Variants in AQP7B observed in about 807,000 individuals in gnomAD.
The protein encoded by AQP7B is putative aquaporin-7B.
At chr2:94,597,458 C>T in the AQP7B span, among the ~76,000 whole-genome samples, 1 of 152,070 alleles carries the variant, frequency 6.6e-6, no homozygotes, top group Non-Finnish European at 1.5e-5. Flanking sequence ...CAGCATCTTC[C>T]CAAATCCATG....
chr2:94,604,050 G>A, the AQP7B span: 5 of 716,862 alleles, frequency 7.0e-6, no homozygotes, highest in South Asian at 9.5e-5. Context: ...AGGTGGCCTG[G>A]GGAGCAGGAG....
the AQP7B span, among the ~76,000 whole-genome samples, chr2:94,592,498 C>G: frequency 1.5e-4 from 23 of 152,168 alleles, no homozygotes; most frequent in Non-Finnish European, 2.5e-4. Context: ...CATGCAGCAT[C>G]GTATAGGGAT....
At chr2:94,593,581 G>C in the AQP7B span, among the ~76,000 whole-genome samples, 1 of 147,204 alleles carries the variant, frequency 6.8e-6, no homozygotes, top group African/African-American at 2.5e-5. Context: ...CATCTCCCAT[G>C]TTCAAGTGAT....
chr2:94,599,227 C>T, the AQP7B span, among the ~76,000 whole-genome samples: 251 of 152,240 alleles, frequency 1.6e-3, 1 homozygote, highest in African/African-American at 5.5e-3. Context: ...AGCCTGTCAA[C>T]CTGTCCTGAC....
chr2:94,603,072 T>C, the AQP7B span: 1 of 1,595,710 alleles, frequency 6.3e-7, no homozygotes, highest in Admixed American at 1.7e-5. Flanking sequence ...CTTCACTAAC[T>C]GTGCGCTGGG....
At chr2:94,591,420 C>T in the AQP7B span, among the ~76,000 whole-genome samples, 1 of 152,212 alleles carries the variant, frequency 6.6e-6, no homozygotes. Context: ...CTTGACTGTG[C>T]TCTTGTGGCC....
the AQP7B span, among the ~76,000 whole-genome samples, chr2:94,592,178 C>A: frequency 6.6e-6 from 1 of 152,064 alleles, no homozygotes; most frequent in Non-Finnish European, 1.5e-5. Context: ...TTACCTCCAG[C>A]ATGGGAGGTG....
chr2:94,602,668 G>T, the AQP7B span: 1 of 1,515,288 alleles, frequency 6.6e-7, no homozygotes, highest in Non-Finnish European at 9.1e-7. Flanking sequence ...TCCCCAACAG[G>T]CTCTTTCCTG....
the AQP7B span, chr2:94,603,299 AC>A: frequency 1.4e-6 from 2 of 1,462,028 alleles, no homozygotes; most frequent in South Asian, 2.6e-5. Flanking sequence ...GAGCTCCCCC[AC>A]CCTCTAACCT....
the AQP7B span, among the ~76,000 whole-genome samples, chr2:94,597,623 T>G: frequency 3.6e-3 from 551 of 151,082 alleles, 3 homozygotes; most frequent in Middle Eastern, 0.017. Context: ...TTTTTTTTTT[T>G]TTGTTTTTTT....
chr2:94,589,378 A>G, the AQP7B span, among the ~76,000 whole-genome samples: 1 of 151,916 alleles, frequency 6.6e-6, no homozygotes, highest in Non-Finnish European at 1.5e-5. Flanking sequence ...TCCATCTGAG[A>G]GGCTTTCTGC....
the AQP7B span, among the ~76,000 whole-genome samples, chr2:94,598,505 C>T: frequency 2.0e-5 from 3 of 152,250 alleles, no homozygotes; most frequent in East Asian, 3.9e-4. Context: ...AGATCACATG[C>T]TATGGGGGCC....
chr2:94,591,618 C>T, the AQP7B span, among the ~76,000 whole-genome samples: 2 of 152,174 alleles, frequency 1.3e-5, no homozygotes, highest in African/African-American at 4.8e-5. Context: ...TAATGTGGGC[C>T]ATGAGGCCTT....
the AQP7B span, chr2:94,602,417 A>G: frequency 2.9e-5 from 42 of 1,448,812 alleles, no homozygotes; most frequent in Non-Finnish European, 3.8e-5. Context: ...GTGAGGAGCT[A>G]GAACTGAGCT....
At chr2:94,594,561 C>A in the AQP7B span, among the ~76,000 whole-genome samples, 1 of 152,236 alleles carries the variant, frequency 6.6e-6, no homozygotes, top group Non-Finnish European at 1.5e-5. Flanking sequence ...CCCAGTTCCT[C>A]TCCATGTCCC....
chr2:94,587,873 G>A, the AQP7B span, among the ~76,000 whole-genome samples: 12 of 152,066 alleles, frequency 7.9e-5, no homozygotes, highest in African/African-American at 2.9e-4. Flanking sequence ...CAGCAGTCAG[G>A]GCTGGAGATA....
At chr2:94,603,908 GC>G in the AQP7B span, 2 of 1,310,184 alleles carry the variant, frequency 1.5e-6, no homozygotes, top group Admixed American at 3.5e-5. Flanking sequence ...TTCATTGCTG[GC>G]TGGGGCAAAC....
chr2:94,599,405 C>T, the AQP7B span, among the ~76,000 whole-genome samples: 2 of 152,126 alleles, frequency 1.3e-5, no homozygotes, highest in Non-Finnish European at 2.9e-5. Flanking sequence ...GGCTATTTCA[C>T]ATTTTCTCAG....
the AQP7B span, among the ~76,000 whole-genome samples, chr2:94,590,578 T>G: frequency 1.3e-5 from 2 of 152,020 alleles, no homozygotes; most frequent in African/African-American, 4.8e-5. Flanking sequence ...ACTGGTTGAT[T>G]AGATAATTCA....
Sources: gnomAD v4.1 joint callset for allele counts (sites outside exome capture counted in the v4.1 genomes callset) on GRCh38, gnomAD v4.1.1 for gene constraint, MANE v1.5 for transcripts, NCBI Gene and HGNC (gene_info 2026-07-23, HGNC 2026-07-21) for gene names.